Variants in RNF168 observed in about 807,000 individuals in gnomAD.
The protein encoded by RNF168 is ring finger protein 168.
A neutral mutation model predicts 34.9 loss-of-function variants in RNF168; 34 were observed. That is an observed-to-expected ratio of 0.97 (90% CI 0.74 to 1.30). The LOEUF is 1.30. Among genes scored for constraint, RNF168 ranks in the 50% most tolerant of loss-of-function variants. The pLI, the probability that RNF168 is intolerant of heterozygous loss-of-function variation, is 0.00. For synonymous variants in RNF168, 264 were observed against 254.7 expected (o/e 1.04, Z -0.35); for missense variants, 725 against 682.5 (o/e 1.06, Z -0.69).
In RNF168 at chr3:196,472,122, T is replaced by C; in HGVS notation, c.1413A>G (p.Pro471=). Reference sequence around the variant, plus strand: ...ATGTAGCGCGTAAGTGATACTCATCTGGGGATCCTTTTTGCCGGTTTGGCA... The same window carrying C: ...ATGTAGCGCGTAAGTGATACTCATCCGGGGATCCTTTTTGCCGGTTTGGCA... ...QMVPNRQKGS[P]DEYHLRATSS... is the part of the protein sequence containing the mutation. The change falls in exon 6 of 6, where the codon CCA becomes CCG. Residue 471 remains proline, a synonymous_variant. Transcript: ENST00000318037. 2.5e-6 allele frequency: 4 copies of C among 1,614,096 alleles called. No individual in the cohort carries two copies. The highest frequency in any genetic ancestry group is 3.4e-6 in the Non-Finnish European group (4 of 1,180,012).
intron 4 of RNF168, among the ~76,000 whole-genome samples, chr3:196,478,937 C>T (rs1354941912): frequency 6.7e-6 from 1 of 149,894 alleles, no homozygotes; most frequent in Non-Finnish European, 1.5e-5. Flanking sequence ...GAACTCCTGA[C>T]CTCAGGTGAT....
rs76553343 is a variant in RNF168, at chr3:196,497,758, A to G, written c.301+5115T>C. Reference sequence around the variant, plus strand: ...GCTAAAGGTTTCTTAGACCATAAAAAGCAATAAACTATAAAAGGAAAAATT... The same window carrying G: ...GCTAAAGGTTTCTTAGACCATAAAAGGCAATAAACTATAAAAGGAAAAATT... On this transcript the variant is annotated intron_variant, in intron 1 of 5. Transcript: ENST00000318037. 8.2e-3 allele frequency among the ~76,000 whole-genome samples: 1,242 copies of G among 152,352 alleles called. 17 individuals carry two copies. The highest frequency in any genetic ancestry group is 0.024 in the Middle Eastern group (7 of 294).
At position 196,498,046 on chromosome 3, in the gene RNF168, A is replaced by C. The variant is rs550482990; in HGVS notation, c.301+4827T>G. 3.9e-5 allele frequency among the ~76,000 whole-genome samples: 6 copies of C among 152,346 alleles called. No individual in the cohort carries two copies. In the South Asian group the frequency reaches 1.2e-3, roughly 32 times the overall value. ...AATACAAATCAACTGGAATGGTTAA[A>C]TCTAAAAAGACAGATAACATCAAAA... On this transcript the variant is annotated intron_variant, in intron 1 of 5. Transcript: ENST00000318037.
Position 196,471,758 on chromosome 3 carries a change from G to T in RNF168, c.*61C>A. ...AATGACACATGGATGAAGATTCCATGATAGGAAAGAGCTTCACATTCCAGC... is the reference window on the plus strand; with the variant it reads ...AATGACACATGGATGAAGATTCCATTATAGGAAAGAGCTTCACATTCCAGC... On this transcript the variant is annotated 3_prime_UTR_variant, in exon 6 of 6. Transcript: ENST00000318037. The T allele has an allele frequency of 1.9e-6, 2 of 1,074,776 alleles. No individual in the cohort carries two copies. The highest frequency in any genetic ancestry group is 2.9e-6 in the Non-Finnish European group (2 of 690,170). The allele number at this position is 1,074,776 out of a possible 1,614,324, so 66.6% of individuals were successfully genotyped here. A position where few individuals can be genotyped will look rare whatever the true frequency, so the allele number is the denominator to read the frequency against.
intron 1 of RNF168, among the ~76,000 whole-genome samples, chr3:196,490,745 CAGAG>C (rs375176785): frequency 1.3e-5 from 2 of 152,082 alleles, no homozygotes; most frequent in Non-Finnish European, 1.5e-5. Context: ...AAATCTGCAA[CAGAG>C]AGACTAAAAA....
intron 4 of RNF168, among the ~76,000 whole-genome samples, chr3:196,481,868 G>A (rs113657868): frequency 0.019 from 2,908 of 150,340 alleles, 106 homozygotes; most frequent in African/African-American, 0.068. Context: ...TGCCCAGGCT[G>A]GTCTTGAACT....
In RNF168 at chr3:196,471,771, T is replaced by C. The variant is rs1732012342; in HGVS notation, c.*48A>G. 1 of 1,206,672 alleles carries C rather than the reference T, an allele frequency of 8.3e-7. No individual in the cohort carries two copies. Among genetic ancestry groups the C allele is most frequent in the Admixed American group, 1.7e-5 (1 of 59,404 alleles). The allele number at this position is 1,206,672 out of a possible 1,614,324, so 74.7% of individuals were successfully genotyped here. A position where few individuals can be genotyped will look rare whatever the true frequency, so the allele number is the denominator to read the frequency against. ...TGAAGATTCCATGATAGGAAAGAGC[T>C]TCACATTCCAGCTTTACTAGATCAC... On this transcript the variant is annotated 3_prime_UTR_variant, in exon 6 of 6. Coordinates refer to ENST00000318037, the MANE Select transcript of RNF168 (RefSeq NM_152617.4).
At chr3:196,500,750 C>G (rs1442443832) in intron 1 of RNF168, among the ~76,000 whole-genome samples, 3 of 151,806 alleles carry the variant, frequency 2.0e-5, no homozygotes, top group Non-Finnish European at 4.4e-5. Flanking sequence ...CTCGCTCTGT[C>G]TCCCAGGCTG....
At position 196,502,867 on chromosome 3, in the gene RNF168, A is replaced by G; in HGVS notation, c.301+6T>C. On this transcript the variant is annotated splice_donor_region_variant and intron_variant, in intron 1 of 5. Transcript: ENST00000318037. The stretch of plus-strand genomic sequence containing the variant: ...TTGGCCAACAAACACGCCATGGTTT[A>G]CTCACCCACTTCCTCTGATTCTTGG... 2 of 1,611,666 alleles carry G rather than the reference A, an allele frequency of 1.2e-6. No individual in the cohort carries two copies. The highest frequency in any genetic ancestry group is 1.7e-6 in the Non-Finnish European group (2 of 1,177,872).
intron 4 of RNF168, among the ~76,000 whole-genome samples, chr3:196,479,538 T>G (rs1309869982): frequency 2.0e-5 from 3 of 151,904 alleles, no homozygotes; most frequent in Non-Finnish European, 4.4e-5. Context: ...TAGGCTCAAG[T>G]GATCCACCTG....
chr3:196,480,712 A>G (rs1168533634), intron 4 of RNF168, among the ~76,000 whole-genome samples: 3 of 152,164 alleles, frequency 2.0e-5, no homozygotes, highest in Non-Finnish European at 2.9e-5. Flanking sequence ...GTAAAATCAC[A>G]GCTCACTGCA....
At chr3:196,496,763 G>A (rs993780332) in intron 1 of RNF168, among the ~76,000 whole-genome samples, 10 of 152,216 alleles carry the variant, frequency 6.6e-5, no homozygotes, top group African/African-American at 2.4e-4. Context: ...CAGCACTTCA[G>A]GAGGCTGAGA....
At chr3:196,486,832 G>A (rs1474159458) in intron 3 of RNF168, among the ~76,000 whole-genome samples, 1 of 152,218 alleles carries the variant, frequency 6.6e-6, no homozygotes, top group South Asian at 2.1e-4. Flanking sequence ...ACTTTGAGAC[G>A]CCGAGGCAGA....
intron 1 of RNF168, 117 bp from the exon 2 acceptor site, chr3:196,488,800 T>G: frequency 2.0e-6 from 1 of 510,656 alleles, no homozygotes; most frequent in East Asian, 3.5e-5. Flanking sequence ...CAGCAATATC[T>G]CCTTTTGGAA....
chr3:196,471,903 A>G lies in RNF168; in HGVS notation c.1632T>C (p.Cys544=). 6.2e-7 allele frequency: 1 copy of G among 1,614,054 alleles called. No homozygotes were observed. The highest frequency in any genetic ancestry group is 8.5e-7 in the Non-Finnish European group (1 of 1,179,918). The change falls in exon 6 of 6, where the codon TGT becomes TGC. Residue 544 remains cysteine (C), a synonymous_variant. Transcript: ENST00000318037. The part of the protein sequence containing the change: ...RKMPNSTRDH[C]KVSKSAHSLQ... The stretch of plus-strand genomic sequence containing the variant: ...GGGAGTGAGCACTTTTGGATACCTT[A>G]CAGTGATCTCTAGTAGAATTTGGCA...
At chr3:196,502,818 C>T (rs965117071) in intron 1 of RNF168, 55 bp downstream of exon 1, 14 of 1,449,340 alleles carry the variant, frequency 9.7e-6, no homozygotes, top group East Asian at 4.5e-5. Flanking sequence ...AGTGATGATT[C>T]ACCTTTTCAA....
chr3:196,487,419 T>C lies in RNF168; in HGVS notation c.538A>G (p.Arg180Gly). The change falls in exon 3 of 6, where the codon AGA (arginine) becomes GGA (glycine). Residue 180 changes from arginine to glycine, a missense_variant. Arg to Gly is a moderately radical substitution (Grantham distance 125). Coordinates refer to ENST00000318037, the MANE Select transcript of RNF168 (RefSeq NM_152617.4). The stretch of plus-strand genomic sequence containing the variant: ...CTTACAATATCAATGCTTAGCTTTC[T>C]TGCCAGTTCCTCATCACTTTTCAGT... ...EQLKSDEELARKLSIDINNFC... is the reference protein window; with the variant it reads ...EQLKSDEELAGKLSIDINNFC... The C allele has an allele frequency of 6.2e-7, 1 of 1,614,166 alleles. No homozygotes were observed. The highest frequency in any genetic ancestry group is 8.5e-7 in the Non-Finnish European group (1 of 1,179,992).
chr3:196,496,512 T>C (rs999149111), intron 1 of RNF168, among the ~76,000 whole-genome samples: 3 of 152,194 alleles, frequency 2.0e-5, no homozygotes, highest in African/African-American at 7.2e-5. Flanking sequence ...TAGGGCCCAT[T>C]CTAATGACCT....
At chr3:196,480,856 G>T (rs1271728395) in intron 4 of RNF168, among the ~76,000 whole-genome samples, 1 of 151,990 alleles carries the variant, frequency 6.6e-6, no homozygotes, top group African/African-American at 2.4e-5. Flanking sequence ...TGCAGCTCGG[G>T]CTCGTCTTGA....
Sources: gnomAD v4.1 joint callset for allele counts (sites outside exome capture counted in the v4.1 genomes callset) on GRCh38, gnomAD v4.1.1 for gene constraint, MANE v1.5 for transcripts, NCBI Gene and HGNC (gene_info 2026-07-23, HGNC 2026-07-21) for gene names.